The following POLA1 variants were observed in gnomAD, a reference collection of about 807,000 sequenced individuals.
POLA1 encodes DNA polymerase alpha catalytic subunit.
POLA1 carries 15 observed loss-of-function variants against 124.0 expected under a neutral mutation model. That is an observed-to-expected ratio of 0.12 (90% confidence interval 0.08 to 0.19). The LOEUF (loss-of-function observed/expected upper bound fraction) is 0.19, where lower values mean the gene tolerates loss of function less well. Among genes scored for constraint, POLA1 ranks in the 10% least tolerant of loss-of-function variants. The pLI, the probability that POLA1 is intolerant of heterozygous loss-of-function variation, is 1.00. For synonymous variants in POLA1, 408 were observed against 389.4 expected (o/e 1.05, Z -0.56); for missense variants, 886 against 1,103.4 (o/e 0.80, Z 2.79).
At chrX:24,977,587 C>G (rs1199728358) in intron 36 of POLA1, among the ~76,000 whole-genome samples, 2 of 111,961 alleles carry the variant, frequency 1.8e-5, no homozygotes, top group Admixed American at 1.9e-4. Flanking sequence ...TTTGGAAAGT[C>G]AAGCCCTCCA....
chrX:24,801,926 T>TGTGTGTGG (rs2045716334), intron 26 of POLA1, among the ~76,000 whole-genome samples: 1 of 85,573 alleles, frequency 1.2e-5, no homozygotes, highest in African/African-American at 4.6e-5. Context: ...GGTGGGTGGG[T>TGTGTGTGG]GTGTGTGTGT....
chrX:24,746,111 G>T (rs754243735), intron 24 of POLA1, among the ~76,000 whole-genome samples: 6 of 110,788 alleles, frequency 5.4e-5, no homozygotes, highest in African/African-American at 2.0e-4. Context: ...GAATTTATAT[G>T]TCAGTTCTCA....
intron 4 of POLA1, among the ~76,000 whole-genome samples, chrX:24,713,662 G>A (rs1305538059): frequency 9.0e-6 from 1 of 111,647 alleles, no homozygotes; most frequent in African/African-American, 3.3e-5. Context: ...TGATCCGCCC[G>A]CCTCGGTCTT....
At chrX:24,867,880 T>C (rs1394016613) in intron 34 of POLA1, among the ~76,000 whole-genome samples, 1 of 109,747 alleles carries the variant, frequency 9.1e-6, no homozygotes, top group Admixed American at 9.7e-5. Flanking sequence ...ATGAAACACT[T>C]AGCAAGTTAT....
chrX:24,761,209 TTTG>T (rs1215240560), intron 26 of POLA1, among the ~76,000 whole-genome samples: 1 of 112,355 alleles, frequency 8.9e-6, no homozygotes, highest in African/African-American at 3.2e-5. Context: ...TTTTATTGGC[TTTG>T]TTGTTTTACA....
chrX:24,956,593 T>C (rs2048109717), intron 36 of POLA1, among the ~76,000 whole-genome samples: 1 of 111,075 alleles, frequency 9.0e-6, no homozygotes, highest in African/African-American at 3.3e-5. Flanking sequence ...CTTTGTTGTT[T>C]TCAATGTATA....
chrX:24,980,203 C>T (rs940035935), intron 36 of POLA1, among the ~76,000 whole-genome samples: 3 of 111,499 alleles, frequency 2.7e-5, no homozygotes, highest in Non-Finnish European at 5.6e-5. Context: ...ATTCAGGTGA[C>T]GACTATGCAT....
At chrX:24,885,776 G>A (rs920214466) in intron 34 of POLA1, among the ~76,000 whole-genome samples, 1 of 111,608 alleles carries the variant, frequency 9.0e-6, no homozygotes, top group Non-Finnish European at 1.9e-5. Context: ...TGCCCGCCTC[G>A]GCCTCCCAAA....
At chrX:24,895,505 A>G (rs1310577554) in intron 35 of POLA1, among the ~76,000 whole-genome samples, 1 of 112,589 alleles carries the variant, frequency 8.9e-6, no homozygotes, top group Non-Finnish European at 1.9e-5. Context: ...GTTCCATTCA[A>G]TACTCTTGCT....
chrX:24,793,357 A>G (rs2045546619), intron 26 of POLA1, among the ~76,000 whole-genome samples: 1 of 103,071 alleles, frequency 9.7e-6, no homozygotes, highest in Non-Finnish European at 2.0e-5. Flanking sequence ...TTTCAGGAGG[A>G]TGAGGTTTCA....
intron 15 of POLA1, 148 bp downstream of exon 15, chrX:24,728,084 T>C (rs1930654176): frequency 9.5e-6 from 4 of 421,459 alleles, no homozygotes; most frequent in Non-Finnish European, 1.6e-5. Flanking sequence ...ATGAATTGAA[T>C]TTGTCTAGTG....
intron 26 of POLA1, among the ~76,000 whole-genome samples, chrX:24,801,454 C>T (rs909873336): frequency 9.0e-6 from 1 of 111,597 alleles, no homozygotes; most frequent in African/African-American, 3.3e-5. Flanking sequence ...GTTTAATGCC[C>T]ATGATATGAT....
At chrX:24,742,190 C>CT (rs1223044750) in intron 22 of POLA1, 69 bp downstream of exon 22, 67 of 846,602 alleles carry the variant, frequency 7.9e-5, no homozygotes, top group East Asian at 2.0e-4. Context: ...CCTAGATAGC[C>CT]TTTTTTTTCT....
chrX:24,848,610 C>T (rs1229805734), intron 34 of POLA1, among the ~76,000 whole-genome samples: 1 of 112,193 alleles, frequency 8.9e-6, no homozygotes, highest in Non-Finnish European at 1.9e-5. Context: ...ATTAGAGCTG[C>T]CTTTTATCAA....
intron 35 of POLA1, among the ~76,000 whole-genome samples, chrX:24,895,621 A>G (rs772714248): frequency 8.9e-6 from 1 of 112,326 alleles, no homozygotes; most frequent in South Asian, 3.8e-4. Context: ...ACTCTATGCA[A>G]CAGAGACCTT....
intron 36 of POLA1, among the ~76,000 whole-genome samples, chrX:24,950,155 C>G (rs1041102758): frequency 8.9e-6 from 1 of 111,996 alleles, no homozygotes; most frequent in Non-Finnish European, 1.9e-5. Flanking sequence ...TGGTGGACAC[C>G]ATTAATTTAT....
chrX:24,731,516 C>T (rs1930904736), intron 15 of POLA1, among the ~76,000 whole-genome samples: 1 of 111,934 alleles, frequency 8.9e-6, no homozygotes, highest in Non-Finnish European at 1.9e-5. Flanking sequence ...ATTTTTCAAA[C>T]TTCTTATCTT....
At chrX:24,716,851 TCTAA>T (rs1327841834) in intron 7 of POLA1, 29 bp from the exon 8 acceptor site, 13 of 919,559 alleles carry the variant, frequency 1.4e-5, no homozygotes, top group Admixed American at 1.1e-4. Flanking sequence ...AGTATGTAGG[TCTAA>T]CTGACTAAAT....
intron 6 of POLA1, 28 bp downstream of exon 6, chrX:24,715,231 T>TA (rs1177764419): frequency 1.1e-6 from 1 of 900,262 alleles, no homozygotes; most frequent in Non-Finnish European, 1.6e-6. Flanking sequence ...AGTTGTAAAA[T>TA]ATGCAGAGGA....
Sources: gnomAD v4.1 joint callset for allele counts (sites outside exome capture counted in the v4.1 genomes callset) on GRCh38, gnomAD v4.1.1 for gene constraint, MANE v1.5 for transcripts, NCBI Gene and HGNC (gene_info 2026-07-23, HGNC 2026-07-21) for gene names.